Variants in IGF1R observed in about 807,000 individuals in gnomAD.
IGF1R encodes insulin like growth factor 1 receptor.
Under a neutral mutation model 144.6 loss-of-function variants are expected in IGF1R, and 44 were observed. The observed-to-expected ratio is 0.30, with a 90% CI of 0.24 to 0.39. IGF1R has a LOEUF of 0.39. Ranked by LOEUF, IGF1R falls within the 10% of genes least tolerant of loss-of-function variation. The probability of loss-of-function intolerance (pLI) is 1.00; values close to 1 mark genes in which losing one functional copy is unlikely to be tolerated. For synonymous variants in IGF1R, 795 were observed against 722.8 expected (o/e 1.10, Z -1.60); for missense variants, 1,355 against 1,833.7 (o/e 0.74, Z 4.77).
chr15:98,656,605 AT>A (rs5814888), intron 1 of IGF1R, among the ~76,000 whole-genome samples: 28,944 of 149,748 alleles, frequency 0.19, 6,337 homozygotes, highest in African/African-American at 0.54. Context: ...TCTGGAAAAC[AT>A]TTTTTTTTTG....
At chr15:98,744,439 G>A (rs2054816895) in intron 2 of IGF1R, among the ~76,000 whole-genome samples, 1 of 152,164 alleles carries the variant, frequency 6.6e-6, no homozygotes, top group Non-Finnish European at 1.5e-5. Context: ...AGCAGCTCTG[G>A]AGAGGGAGGA....
chr15:98,773,768 C>T (rs544009286), intron 2 of IGF1R, among the ~76,000 whole-genome samples: 2 of 152,238 alleles, frequency 1.3e-5, no homozygotes, highest in African/African-American at 2.4e-5. Context: ...TTTGGTGGCT[C>T]TGGGAAGCAG....
At chr15:98,942,504 A>C (rs752601106) in intron 18 of IGF1R, among the ~76,000 whole-genome samples, 4 of 152,046 alleles carry the variant, frequency 2.6e-5, no homozygotes, top group Non-Finnish European at 5.9e-5. Context: ...CAACTGACTA[A>C]TTTTTAAAAT....
At chr15:98,810,754 T>TA (rs1043479549) in intron 2 of IGF1R, among the ~76,000 whole-genome samples, 4 of 151,464 alleles carry the variant, frequency 2.6e-5, no homozygotes, top group African/African-American at 7.3e-5. Context: ...TTCACCGTGT[T>TA]AGCCAGGATG....
chr15:98,732,293 G>A (rs952016611), intron 2 of IGF1R, among the ~76,000 whole-genome samples: 1 of 152,222 alleles, frequency 6.6e-6, no homozygotes, highest in African/African-American at 2.4e-5. Context: ...ACCAGAGATT[G>A]TGGGGTAGGT....
At chr15:98,719,181 T>C (rs2141277978) in intron 2 of IGF1R, among the ~76,000 whole-genome samples, 1 of 152,284 alleles carries the variant, frequency 6.6e-6, no homozygotes, top group South Asian at 2.1e-4. Context: ...TAGAAGAGGT[T>C]TTAAGCAGGA....
intron 1 of IGF1R, among the ~76,000 whole-genome samples, chr15:98,698,295 C>T (rs1413814804): frequency 1.3e-5 from 2 of 152,176 alleles, no homozygotes; most frequent in Non-Finnish European, 2.9e-5. Flanking sequence ...CCTCGGCCTC[C>T]CAAAGTGCTG....
chr15:98,939,394 C>A (rs759668465), intron 18 of IGF1R, 34 bp downstream of exon 18: 1 of 1,610,898 alleles, frequency 6.2e-7, no homozygotes. Context: ...TGGGCAAGAA[C>A]TAAACTCAGG....
chr15:98,713,417 T>C (rs2054042345), intron 2 of IGF1R, among the ~76,000 whole-genome samples: 1 of 142,396 alleles, frequency 7.0e-6, no homozygotes, highest in South Asian at 2.2e-4. Flanking sequence ...TCATTGTTGC[T>C]GTCATTGCTA....
chr15:98,954,477 T>TTG (rs913087495), intron 20 of IGF1R: 1 of 152,224 alleles, frequency 6.6e-6, no homozygotes, highest in East Asian at 1.9e-4. Flanking sequence ...TGGAGATTTT[T>TTG]TGTGTGTGTG....
intron 19 of IGF1R, among the ~76,000 whole-genome samples, chr15:98,948,267 C>T (rs1376746012): frequency 6.6e-6 from 1 of 152,188 alleles, no homozygotes; most frequent in Admixed American, 6.5e-5. Context: ...ATGCTGAACC[C>T]AGTATGCTCT....
At position 98,959,732 on chromosome 15, in the gene IGF1R, T is replaced by C. The variant is rs2017149238; in HGVS notation, c.*2290T>C. 1 of 233,442 alleles carries C rather than the reference T, an allele frequency of 4.3e-6. No individual in the cohort carries two copies. The highest frequency in any genetic ancestry group is 1.8e-4 in the South Asian group (1 of 5,540). The allele number at this position is 233,442 out of a possible 1,614,324, so 14.5% of individuals were successfully genotyped here. A position where few individuals can be genotyped will look rare whatever the true frequency, so the allele number is the denominator to read the frequency against. ...TTTAGGAGTAAGAACAAAGCTGGGA[T>C]ACGGTGATTGCTAGTTGTGACTGAA... On this transcript the variant is annotated 3_prime_UTR_variant, in exon 21 of 21. Transcript: ENST00000650285.
rs116890679 is a variant in IGF1R, at chr15:98,711,379, G to A, written c.640+3272G>A. 6.8e-3 allele frequency among the ~76,000 whole-genome samples: 1,037 copies of A among 152,180 alleles called. 15 individuals are homozygous for A. Among genetic ancestry groups the A allele is most frequent in the East Asian group, 0.033 (170 of 5,176 alleles). ...CTACTCGATTTTGTCGTGCTGTTGC[G>A]CGGTTTTCACTTGGCACTGTCCTTT... On this transcript the variant is annotated intron_variant, in intron 2 of 20. Coordinates refer to ENST00000650285, the MANE Select transcript of IGF1R (RefSeq NM_000875.5).
In IGF1R at chr15:98,913,268, G is replaced by A. The variant is rs45553041; in HGVS notation, c.1814G>A (p.Arg605His). ...RGAKSEILYI[R>H]TNASVPSIPL... ...GCCAAGAGTGAGATCTTGTACATTC[G>A]CACCAATGCTTCAGGTATCCATGCC... The change falls in exon 8 of 21, where the codon CGC (arginine) becomes CAC (histidine). Residue 605 changes from arginine to histidine, a missense_variant. Arg to His is a conservative substitution (Grantham distance 29). Around this residue, in one of 7 missense-constraint regions of IGF1R, gnomAD observed 880 missense variants for 1,202.7 expected, o/e 0.73. Coordinates refer to ENST00000650285, the MANE Select transcript of IGF1R (RefSeq NM_000875.5). 30 of 1,613,406 alleles carry A rather than the reference G, an allele frequency of 1.9e-5. No individual in the cohort carries two copies. The South Asian group carries it at 2.3e-4, about 12-fold the overall frequency.
At chr15:98,909,270 T>C (rs1428940354) in intron 6 of IGF1R, among the ~76,000 whole-genome samples, 1 of 140,332 alleles carries the variant, frequency 7.1e-6, no homozygotes, top group African/African-American at 2.6e-5. Context: ...TCTTTTTTTT[T>C]TTTTTTTTTG....
At chr15:98,656,080 C>A (rs1229011223) in intron 1 of IGF1R, among the ~76,000 whole-genome samples, 1 of 152,190 alleles carries the variant, frequency 6.6e-6, no homozygotes, top group Non-Finnish European at 1.5e-5. Context: ...GGGATGAACA[C>A]CTACGATTGC....
chr15:98,794,511 A>G (rs1251874219), intron 2 of IGF1R, among the ~76,000 whole-genome samples: 1 of 152,178 alleles, frequency 6.6e-6, no homozygotes, highest in East Asian at 1.9e-4. Flanking sequence ...ATTCTCCAGG[A>G]TGGCCCCATT....
intron 2 of IGF1R, among the ~76,000 whole-genome samples, chr15:98,717,522 T>C (rs2054147642): frequency 2.6e-5 from 4 of 152,216 alleles, no homozygotes; most frequent in Admixed American, 2.6e-4. Context: ...TTCTTGCTAA[T>C]TTGATTCGTA....
intron 1 of IGF1R, among the ~76,000 whole-genome samples, chr15:98,659,960 G>A (rs555252484): frequency 1.2e-4 from 18 of 152,150 alleles, no homozygotes; most frequent in African/African-American, 4.1e-4. Context: ...GTCCCACACC[G>A]TCTATATTTC....
Sources: gnomAD v4.1 joint callset for allele counts (sites outside exome capture counted in the v4.1 genomes callset) on GRCh38, gnomAD v4.1.1 for gene constraint, gnomAD v4.1.1 regional missense constraint, MANE v1.5 for transcripts, NCBI Gene and HGNC (gene_info 2026-07-23, HGNC 2026-07-21) for gene names.